SF3A2: variants seen among roughly 807,000 people sequenced by gnomAD.
SF3A2 encodes the protein splicing factor 3a subunit 2.
A neutral mutation model predicts 31.1 loss-of-function variants in SF3A2; 5 were observed. The observed-to-expected ratio is 0.16, with a 90% CI of 0.08 to 0.34. The LOEUF is 0.34. Among genes scored for constraint, SF3A2 ranks in the 10% least tolerant of loss-of-function variants. The pLI is 1.00. For synonymous variants in SF3A2, 365 were observed against 263.7 expected (o/e 1.38, Z -3.72); for missense variants, 577 against 643.9 (o/e 0.90, Z 1.13).
Position 2,245,302 on chromosome 19 carries a change from C to T in SF3A2, c.246-144C>T. On this transcript the variant is annotated intron_variant, in intron 4 of 8. Transcript: ENST00000221494. The surrounding 1 kb of genome is among the most constrained non-coding windows in gnomAD (Gnocchi z 4.2). The stretch of plus-strand genomic sequence containing the variant: ...GTCCTATCCCTGTCCTCAGCCAAAC[C>T]CCAGGGCCCCTCCCAGGCCCCTGGC... 1 of 625,024 alleles carries T rather than the reference C, an allele frequency of 1.6e-6. No homozygotes were observed. The allele number at this position is 625,024 out of a possible 1,614,324, so 38.7% of individuals were successfully genotyped here.
chr19:2,242,405 C>T (rs1012740307), intron 1 of SF3A2, among the ~76,000 whole-genome samples: 2 of 152,196 alleles, frequency 1.3e-5, no homozygotes, highest in Admixed American at 6.5e-5. Flanking sequence ...TGCCTCGGGG[C>T]CCCTTCCTCC....
At chr19:2,238,993 G>A (rs971901672) in intron 1 of SF3A2, among the ~76,000 whole-genome samples, 10 of 152,192 alleles carry the variant, frequency 6.6e-5, no homozygotes, top group Non-Finnish European at 1.3e-4. Flanking sequence ...GGTGGGGGAA[G>A]TCCTTGATTG....
intron 1 of SF3A2, 66 bp from the exon 2 acceptor site, chr19:2,243,316 A>G: frequency 4.5e-6 from 6 of 1,337,820 alleles, no homozygotes; most frequent in Non-Finnish European, 6.0e-6. Flanking sequence ...CAGCCCGCCC[A>G]GGGAGGTCCC....
intron 1 of SF3A2, among the ~76,000 whole-genome samples, chr19:2,238,729 A>G (rs1407395002): frequency 6.6e-6 from 1 of 151,978 alleles, no homozygotes; most frequent in Non-Finnish European, 1.5e-5. Flanking sequence ...CCTCTCACAC[A>G]CCTATCAGTT....
At position 2,246,757 on chromosome 19, in the gene SF3A2, C is replaced by G. The variant is rs771103890; in HGVS notation, c.360C>G (p.Thr120=). The change falls in exon 6 of 9, where the codon ACC becomes ACG. Residue 120 remains threonine, a synonymous_variant. Coordinates refer to ENST00000221494, the MANE Select transcript of SF3A2 (RefSeq NM_007165.5). The surrounding 1 kb of genome is among the most constrained non-coding windows in gnomAD (Gnocchi z 5.5). ...VKIGRPGYKV[T]KQRDSEMGQQ... ...TGAGAGCTTTCTGTGTTGCAGTGAC[C>G]AAGCAGAGAGACTCGGAGATGGGCC... 3.7e-6 allele frequency: 6 copies of G among 1,613,822 alleles called. No homozygotes were observed. In the African/African-American group the frequency reaches 8.0e-5, roughly 22 times the overall value.
chr19:2,238,331 AT>A (rs1369728343), intron 1 of SF3A2, among the ~76,000 whole-genome samples: 1 of 152,076 alleles, frequency 6.6e-6, no homozygotes, highest in Non-Finnish European at 1.5e-5. Context: ...TAATTTTTGT[AT>A]TTTTTGTAGA....
intron 2 of SF3A2, among the ~76,000 whole-genome samples, chr19:2,243,953 C>T (rs984763057): frequency 6.6e-5 from 10 of 152,312 alleles, no homozygotes; most frequent in African/African-American, 2.4e-4. Context: ...ACATGCCCCA[C>T]GGGCCTGGCC....
In SF3A2 at chr19:2,247,582, C is replaced by T. The variant is rs770163953; in HGVS notation, c.547-12C>T. 13 of 1,612,942 alleles carry T rather than the reference C, an allele frequency of 8.1e-6. No individual in the cohort carries two copies. In the Admixed American group the frequency reaches 2.2e-4, roughly 27 times the overall value. ...AGGGACCAGGAGCCCTCTCTGTCCC[C>T]CGCCCTCCCAGGTGCCGAGCAGAGA... On this transcript the variant is annotated splice_polypyrimidine_tract_variant and intron_variant, in intron 7 of 8. Coordinates refer to ENST00000221494, the MANE Select transcript of SF3A2 (RefSeq NM_007165.5).
intron 1 of SF3A2, among the ~76,000 whole-genome samples, chr19:2,241,380 G>A (rs2145008776): frequency 6.6e-6 from 1 of 152,328 alleles, no homozygotes; most frequent in East Asian, 1.9e-4. Context: ...AGAGGCAAGT[G>A]CGGCTGCGGC....
chr19:2,239,313 C>T (rs998968554), intron 1 of SF3A2, among the ~76,000 whole-genome samples: 2 of 141,018 alleles, frequency 1.4e-5, no homozygotes, highest in African/African-American at 5.4e-5. Context: ...TGCAGTGAGC[C>T]AAGATCGAGC....
chr19:2,247,931 T>C lies in SF3A2; in HGVS notation c.780T>C (p.Pro260=). The C allele has an allele frequency of 1.3e-6, 2 of 1,528,426 alleles. No individual in the cohort carries two copies. Among genetic ancestry groups the C allele is most frequent in the South Asian group, 1.1e-5 (1 of 88,598 alleles). The allele number at this position is 1,528,426 out of a possible 1,614,324, so 94.7% of individuals were successfully genotyped here. ...SLPPPPPGGL[P]LPPMPPTGPA... ...CACCGCCCCCGCCAGGAGGCCTGCC[T>C]CTGCCACCCATGCCCCCCACAGGGC... The change falls in exon 9 of 9, where the codon CCT becomes CCC. Residue 260 remains proline, a synonymous_variant. Transcript: ENST00000221494.
At chr19:2,247,293 C>G (rs970983523) in intron 7 of SF3A2, 5 of 548,090 alleles carry the variant, frequency 9.1e-6, no homozygotes, top group Admixed American at 3.4e-5. Flanking sequence ...ACCTCACTTC[C>G]TGGGCCAGGC....
intron 1 of SF3A2, chr19:2,237,707 C>G (rs569475599): frequency 6.6e-6 from 1 of 152,208 alleles, no homozygotes; most frequent in African/African-American, 2.4e-5. Context: ...TGTTAGTTGA[C>G]TGGGGCTCTG....
chr19:2,246,633 A>G lies in SF3A2; in HGVS notation c.356-120A>G. On this transcript the variant is annotated intron_variant, in intron 5 of 8. Coordinates refer to ENST00000221494, the MANE Select transcript of SF3A2 (RefSeq NM_007165.5). This position sits in a 1 kb window ranked among gnomAD's most constrained non-coding sequence, Gnocchi z 5.5. Reference sequence around the variant, plus strand: ...GGGCGGAGATTGTCTAATGGTTGCCAGAGCTGCAGGGCCTCCCCCGGGGTC... The same window carrying G: ...GGGCGGAGATTGTCTAATGGTTGCCGGAGCTGCAGGGCCTCCCCCGGGGTC... 1 of 1,132,330 alleles carries G rather than the reference A, an allele frequency of 8.8e-7. No homozygotes were observed. The allele number at this position is 1,132,330 out of a possible 1,614,324, so 70.1% of individuals were successfully genotyped here.
rs1271584770 is a variant in SF3A2 at position 2,248,027 on chromosome 19, A to G, written c.876A>G (p.Pro292=). 3.1e-6 allele frequency: 2 copies of G among 639,120 alleles called. No individual in the cohort carries two copies. Among genetic ancestry groups the G allele is most frequent in the Non-Finnish European group, 4.6e-6 (2 of 439,442 alleles). The allele number at this position is 639,120 out of a possible 1,614,324, so 39.6% of individuals were successfully genotyped here. A position where few individuals can be genotyped will look rare whatever the true frequency, so the allele number is the denominator to read the frequency against. The change falls in exon 9 of 9, where the codon CCA becomes CCG. Residue 292 remains proline (P), a synonymous_variant. Coordinates refer to ENST00000221494, the MANE Select transcript of SF3A2 (RefSeq NM_007165.5). ...PPAPGVHPPA[P]VVHPPASGVH... ...CTCCAGGGGTCCACCCCCCGGCCCC[A>G]GTGGTGCATCCCCCTGCATCTGGGG...
In SF3A2 at chr19:2,245,461, C is replaced by T. The variant is rs2024923827; in HGVS notation, c.261C>T (p.Ala87=). 3.2e-6 allele frequency: 5 copies of T among 1,550,396 alleles called. No homozygotes were observed. The highest frequency in any genetic ancestry group is 2.7e-5 in the African/African-American group (2 of 73,024). The change falls in exon 5 of 9, where the codon GCC becomes GCT. Residue 87 remains alanine (A), a synonymous_variant. Transcript: ENST00000221494. This position sits in a 1 kb window ranked among gnomAD's most constrained non-coding sequence, Gnocchi z 4.2. The part of the protein sequence containing the change: ...KHQTNLARRA[A]KEAKEAPAQP... The stretch of plus-strand genomic sequence containing the variant: ...CTGTCCGCAGGGCCCGGCGAGCAGC[C>T]AAGGAGGCCAAGGAGGCCCCTGCCC...
In SF3A2 at chr19:2,248,504, C is replaced by T. The variant is rs370600669; in HGVS notation, c.1353C>T (p.Ser451=). ...CAATGCTGAGGCCCCCACTTCCCTC[C>T]GAAGGCCCAGGGAACATACCTCCCC... ...MPPMLRPPLP[S]EGPGNIPPPP... is the part of the protein sequence containing the mutation. The change falls in exon 9 of 9, where the codon TCC becomes TCT. Residue 451 remains serine, a synonymous_variant. Transcript: ENST00000221494. The T allele has an allele frequency of 1.0e-5, 12 of 1,201,730 alleles. No homozygotes were observed. The African/African-American group carries it at 1.1e-4, about 11-fold the overall frequency. 74.4% of individuals were successfully genotyped at this position (1,201,730 alleles called of 1,614,324 possible).
chr19:2,244,540 C>G lies in SF3A2; in HGVS notation c.127-4C>G. On this transcript the variant is annotated splice_polypyrimidine_tract_variant and splice_region_variant and intron_variant, in intron 2 of 8. Transcript: ENST00000221494. ...TCTAACGGGCCCCTGTTCTTCCCCT[C>G]CAGGACCCGTACTTCATGAAGAACC... The G allele has an allele frequency of 6.2e-7, 1 of 1,613,048 alleles. No individual in the cohort carries two copies. The highest frequency in any genetic ancestry group is 8.5e-7 in the Non-Finnish European group (1 of 1,179,314).
At chr19:2,240,990 G>A (rs2024883963) in intron 1 of SF3A2, among the ~76,000 whole-genome samples, 1 of 152,190 alleles carries the variant, frequency 6.6e-6, no homozygotes, top group African/African-American at 2.4e-5. Flanking sequence ...TCTGCCAGAA[G>A]CTGCCGGCCA....
Sources: allele counts gnomAD v4.1 joint callset (sites outside exome capture counted in the v4.1 genomes callset), GRCh38; gene constraint gnomAD v4.1.1; non-coding constraint Gnocchi (gnomAD v3.1); transcripts MANE v1.5; gene names NCBI Gene and HGNC (gene_info 2026-07-23, HGNC 2026-07-21).